The following AK7 variants were observed in gnomAD, a reference collection of about 807,000 sequenced individuals.
AK7 encodes the protein ATP-AMP transphosphorylase 7.
A neutral mutation model predicts 96.6 loss-of-function variants in AK7; 78 were observed. The ratio of observed to expected loss-of-function variants is 0.81; its 90% confidence interval spans 0.67 to 0.97. The LOEUF is 0.97. Ranked by LOEUF, AK7 falls within the 50% of genes least tolerant of loss-of-function variation. The pLI is 0.00. For missense variants in AK7, 855 were observed against 887.9 expected, an observed-to-expected ratio of 0.96 and a Z score of 0.47; for synonymous variants, 302 against 317.2, an observed-to-expected ratio of 0.95 and a Z score of 0.51.
chr14:96,404,859 G>A lies in AK7; in HGVS notation c.397G>A (p.Val133Ile), dbSNP rs765712160. 3.1e-6 allele frequency: 5 copies of A among 1,606,216 alleles called. No homozygotes were observed. In the East Asian group the frequency reaches 8.9e-5, roughly 29 times the overall value. Residue 133 changes from valine to isoleucine, a missense_variant, in exon 3 of 18, where the codon GTC becomes ATC. By Grantham distance (29) the Val-to-Ile change is conservative. Transcript: ENST00000267584. Reference protein sequence around the residue: ...SQQMEEAIWAVSALSEEVSHF... With the variant: ...SQQMEEAIWAISALSEEVSHF... ...GCAAATGGAGGAAGCCATCTGGGCA[G>A]TCTCTGGTCAGTGAGGTGTACTCTT...
In AK7 at chr14:96,425,338, T is replaced by C. The variant is rs542456605; in HGVS notation, c.609+4406T>C. 2.6e-5 allele frequency among the ~76,000 whole-genome samples: 4 copies of C among 152,286 alleles called. No individual in the cohort carries two copies. In the East Asian group the frequency reaches 7.7e-4, roughly 29 times the overall value. On this transcript the variant is annotated intron_variant, in intron 5 of 17. Transcript: ENST00000267584. Reference sequence around the variant, plus strand: ...CACATCCTCAGCCAGCACATTCATATACAAGATTACATACACAAAAGGTAG... The same window carrying C: ...CACATCCTCAGCCAGCACATTCATACACAAGATTACATACACAAAAGGTAG...
intron 8 of AK7, among the ~76,000 whole-genome samples, chr14:96,447,879 C>T (rs1194998977): frequency 1.3e-5 from 2 of 152,136 alleles, no homozygotes; most frequent in East Asian, 1.9e-4. Context: ...GTGCAGCCTT[C>T]TCCTGCCCTT....
intron 2 of AK7, among the ~76,000 whole-genome samples, chr14:96,400,989 C>G (rs1017129316): frequency 5.3e-5 from 8 of 152,202 alleles, no homozygotes; most frequent in Admixed American, 1.3e-4. Context: ...GTGGGCTCTT[C>G]CCTTGCCCTT....
intron 10 of AK7, among the ~76,000 whole-genome samples, chr14:96,452,255 T>C (rs745359899): frequency 3.9e-5 from 6 of 152,196 alleles, no homozygotes; most frequent in Non-Finnish European, 5.9e-5. Context: ...TCATTTTTTA[T>C]GGTGAAAGGT....
chr14:96,404,139 G>T (rs1890568807), intron 2 of AK7, among the ~76,000 whole-genome samples: 1 of 122,764 alleles, frequency 8.1e-6, no homozygotes, highest in Non-Finnish European at 1.6e-5. Flanking sequence ...GAGTGAAACT[G>T]TGTCTCAAAT....
chr14:96,421,623 T>TG (rs1399082269), intron 5 of AK7: 3 of 151,620 alleles, frequency 2.0e-5, no homozygotes, highest in African/African-American at 7.3e-5. Flanking sequence ...TTTTTTTTTT[T>TG]GAGATGGAGT....
chr14:96,446,375 C>T lies in AK7; in HGVS notation c.780-142C>T, dbSNP rs1359397678. ...GGAGAATGCAGATAACCATCCCAAC[C>T]CTGACCGTATTGAAAATGGAGATAA... On this transcript the variant is annotated intron_variant, in intron 7 of 17. Coordinates refer to ENST00000267584, the MANE Select transcript of AK7 (RefSeq NM_152327.5). 4.4e-6 allele frequency: 3 copies of T among 678,122 alleles called. No homozygotes were observed. The Admixed American group carries it at 6.5e-5, about 15-fold the overall frequency. The allele number at this position is 678,122 out of a possible 1,614,324, so 42.0% of individuals were successfully genotyped here. A position where few individuals can be genotyped will look rare whatever the true frequency, so the allele number is the denominator to read the frequency against.
At chr14:96,415,708 A>G (rs1891289722) in intron 4 of AK7, among the ~76,000 whole-genome samples, 2 of 137,742 alleles carry the variant, frequency 1.5e-5, no homozygotes, top group Non-Finnish European at 3.2e-5. Flanking sequence ...AAGGGTAAAT[A>G]TTAATTTATT....
At chr14:96,434,325 G>A (rs1343355179) in intron 5 of AK7, among the ~76,000 whole-genome samples, 1 of 152,198 alleles carries the variant, frequency 6.6e-6, no homozygotes, top group Non-Finnish European at 1.5e-5. Context: ...CGCCTTGATA[G>A]TCTTAGACTA....
At chr14:96,465,816 C>T (rs1268654967) in intron 12 of AK7, among the ~76,000 whole-genome samples, 1 of 151,874 alleles carries the variant, frequency 6.6e-6, no homozygotes, top group Admixed American at 6.6e-5. Context: ...TCAAAACCAG[C>T]CTGGCCAAGA....
At chr14:96,424,114 T>C in intron 5 of AK7, 1 of 656,312 alleles carries the variant, frequency 1.5e-6, no homozygotes. Flanking sequence ...GCTCCGCTCG[T>C]CCACCGCCAC....
chr14:96,478,627 A>G lies in AK7; in HGVS notation c.1718A>G (p.Tyr573Cys). The G allele has an allele frequency of 1.2e-6, 2 of 1,614,130 alleles. No homozygotes were observed. The highest frequency in any genetic ancestry group is 2.2e-5 in the East Asian group (1 of 44,878). ...INIDDETVFN[Y>C]FDELEIHPIH... ...ATCGACGATGAGACTGTCTTCAACT[A>G]TTTTGATGAACTTGAAATTCACCCG... Residue 573 changes from tyrosine (Y) to cysteine (C), a missense_variant, in exon 15 of 18, where the codon TAT becomes TGT. Transcript: ENST00000267584.
intron 7 of AK7, among the ~76,000 whole-genome samples, chr14:96,445,973 C>A (rs193290955): frequency 5.9e-5 from 9 of 152,332 alleles, no homozygotes; most frequent in Admixed American, 5.9e-4. Flanking sequence ...ACACCTGTGC[C>A]ACCCTCAGCA....
intron 16 of AK7, among the ~76,000 whole-genome samples, chr14:96,485,610 A>G (rs773656200): frequency 6.6e-6 from 1 of 152,192 alleles, no homozygotes; most frequent in African/African-American, 2.4e-5. Context: ...TAACTTTTTA[A>G]TAATGTATTG....
At chr14:96,455,512 ATAAT>A (rs1432610050) in intron 10 of AK7, among the ~76,000 whole-genome samples, 2 of 152,142 alleles carry the variant, frequency 1.3e-5, no homozygotes, top group Non-Finnish European at 1.5e-5. Flanking sequence ...AACAAAACAA[ATAAT>A]TAAAGACCAA....
intron 10 of AK7, among the ~76,000 whole-genome samples, chr14:96,455,834 C>T (rs1566795985): frequency 6.6e-6 from 1 of 152,106 alleles, no homozygotes; most frequent in Non-Finnish European, 1.5e-5. Flanking sequence ...CAGACGCTTT[C>T]GGGATGATGT....
At chr14:96,405,403 C>T (rs1440087980) in intron 3 of AK7, among the ~76,000 whole-genome samples, 2 of 151,682 alleles carry the variant, frequency 1.3e-5, no homozygotes, top group East Asian at 3.9e-4. Flanking sequence ...AGGCTGGTCT[C>T]AAACCCCTGG....
chr14:96,403,279 G>T (rs1462573750), intron 2 of AK7, among the ~76,000 whole-genome samples: 2 of 151,922 alleles, frequency 1.3e-5, no homozygotes, highest in Non-Finnish European at 2.9e-5. Flanking sequence ...TCAGGGTGAT[G>T]CATATACAAG....
chr14:96,406,743 C>T (rs1890735626), intron 3 of AK7, among the ~76,000 whole-genome samples: 1 of 151,908 alleles, frequency 6.6e-6, no homozygotes, highest in South Asian at 2.1e-4. Flanking sequence ...TGGAGTGCAG[C>T]AGTATATCAT....
Sources: allele counts gnomAD v4.1 joint callset (sites outside exome capture counted in the v4.1 genomes callset), GRCh38; gene constraint gnomAD v4.1.1; transcripts MANE v1.5; gene names NCBI Gene and HGNC (gene_info 2026-07-23, HGNC 2026-07-21).